Variants in ZIM2 observed in about 807,000 individuals in gnomAD.
The protein encoded by ZIM2 is zinc finger protein 656.
A neutral mutation model predicts 38.6 loss-of-function variants in ZIM2; 14 were observed. The ratio of observed to expected loss-of-function variants is 0.36; its 90% CI spans 0.24 to 0.57. The LOEUF (loss-of-function observed/expected upper bound fraction) is 0.57. ZIM2 is among the 20% of genes least tolerant of loss of function. ZIM2 has a pLI of 0.81. For synonymous variants in ZIM2, 247 were observed against 245.8 expected (o/e 1.00, Z -0.04); for missense variants, 680 against 695.1 (o/e 0.98, Z 0.24).
chr19:56,813,348 G>C, intron 9 of ZIM2: 2 of 1,084,866 alleles, frequency 1.8e-6, no homozygotes, highest in Non-Finnish European at 2.3e-6. Context: ...CTATATATAC[G>C]TTACACAAGT....
At chr19:56,780,666 G>T (rs1412985448) in intron 11 of ZIM2, among the ~76,000 whole-genome samples, 1 of 152,166 alleles carries the variant, frequency 6.6e-6, no homozygotes, top group African/African-American at 2.4e-5. Flanking sequence ...TAAGGTTATT[G>T]AGTGCTAGCT....
At chr19:56,799,515 G>A (rs552597898) in intron 9 of ZIM2, 1 of 152,112 alleles carries the variant, frequency 6.6e-6, no homozygotes, top group African/African-American at 2.4e-5. Context: ...AATACCTAGG[G>A]GATGGAATGA....
intron 3 of ZIM2, chr19:56,824,767 A>G: frequency 1.9e-6 from 2 of 1,038,756 alleles, no homozygotes; most frequent in Admixed American, 5.1e-5. Context: ...AGATATACAC[A>G]TGTCCCAGAA....
intron 2 of ZIM2, among the ~76,000 whole-genome samples, chr19:56,835,759 G>T (rs1642341043): frequency 1.3e-5 from 2 of 152,156 alleles, no homozygotes. Context: ...TAATCACCAG[G>T]CAAGAGAAAA....
intron 9 of ZIM2, among the ~76,000 whole-genome samples, chr19:56,806,761 G>A (rs1324970565): frequency 6.6e-6 from 1 of 152,154 alleles, no homozygotes. Context: ...TGAGGGCTAA[G>A]CCCTCATGAA....
At chr19:56,813,753 G>A (rs1252768095) in intron 9 of ZIM2, 1 of 1,614,186 alleles carries the variant, frequency 6.2e-7, no homozygotes, top group East Asian at 2.2e-5. Flanking sequence ...CACATTTGAA[G>A]TACTTCTCAT....
Position 56,821,788 on chromosome 19 carries a change from G to T in ZIM2, c.191-34C>A, listed in dbSNP as rs375396925. The T allele has an allele frequency of 3.1e-6, 5 of 1,609,938 alleles. No individual in the cohort carries two copies. In the African/African-American group the frequency reaches 6.7e-5, roughly 22 times the overall value. On this transcript the variant is annotated intron_variant, in intron 6 of 12. Coordinates refer to ENST00000629319, the MANE Select transcript of ZIM2 (RefSeq NM_001387356.1). Reference sequence around the variant, plus strand: ...AAAAAAGGCATCAACAAGAAGCAGGGCCCAGTCCATCCTGCAGGTCCCAGG... The same window carrying T: ...AAAAAAGGCATCAACAAGAAGCAGGTCCCAGTCCATCCTGCAGGTCCCAGG...
chr19:56,824,791 C>A, intron 3 of ZIM2: 1 of 831,362 alleles, frequency 1.2e-6, no homozygotes, highest in Non-Finnish European at 1.9e-6. Context: ...GAAGACCAGG[C>A]AGCAGTGGAG....
intron 7 of ZIM2, among the ~76,000 whole-genome samples, chr19:56,820,547 C>T (rs985651838): frequency 1.3e-5 from 2 of 152,198 alleles, no homozygotes; most frequent in African/African-American, 4.8e-5. Flanking sequence ...TGGTTCCCAT[C>T]CCACAACTTT....
intron 11 of ZIM2, 48 bp downstream of exon 11, chr19:56,781,905 A>C: frequency 6.3e-7 from 1 of 1,588,448 alleles, no homozygotes; most frequent in Non-Finnish European, 8.6e-7. Flanking sequence ...GTTGAGAGCT[A>C]CTGCCCTAGT....
At chr19:56,797,900 G>T (rs1161149455) in intron 9 of ZIM2, 1 of 152,170 alleles carries the variant, frequency 6.6e-6, no homozygotes, top group Non-Finnish European at 1.5e-5. Flanking sequence ...GCACAGTAAG[G>T]AAAATTTAGA....
At chr19:56,827,253 CA>C (rs538852295) in intron 2 of ZIM2, among the ~76,000 whole-genome samples, 6 of 151,482 alleles carry the variant, frequency 4.0e-5, no homozygotes, top group African/African-American at 1.2e-4. Context: ...ACTTCTGTGC[CA>C]AAAAAAATAA....
chr19:56,826,885 T>C (rs1034468503), intron 2 of ZIM2, among the ~76,000 whole-genome samples: 2 of 152,234 alleles, frequency 1.3e-5, no homozygotes, highest in African/African-American at 2.4e-5. Flanking sequence ...TATATGCTTC[T>C]ATTCTGTGAA....
chr19:56,789,930 A>T lies in ZIM2; in HGVS notation c.512T>A (p.Val171Asp). Residue 171 changes from valine (V) to aspartate (D), a missense_variant, in exon 10 of 13, where the codon GTC becomes GAC. Coordinates refer to ENST00000629319, the MANE Select transcript of ZIM2 (RefSeq NM_001387356.1). ...TSRGFLAQDS[V>D]PAEKRNTEML... Reference sequence around the variant, plus strand: ...CTCTGTGTTCCTCTTTTCTGCAGGGACAGAGTCCTGAGCAAGGAAACCTAG... The same window carrying T: ...CTCTGTGTTCCTCTTTTCTGCAGGGTCAGAGTCCTGAGCAAGGAAACCTAG... 6.3e-7 allele frequency: 1 copy of T among 1,575,272 alleles called. No homozygotes were observed. The highest frequency in any genetic ancestry group is 1.2e-5 in the South Asian group (1 of 84,906).
intron 10 of ZIM2, among the ~76,000 whole-genome samples, chr19:56,783,810 G>A (rs547158387): frequency 6.6e-6 from 1 of 152,198 alleles, no homozygotes; most frequent in East Asian, 1.9e-4. Flanking sequence ...ACCTGCACAT[G>A]TGTGCCCTGA....
chr19:56,838,462 G>A (rs941492145), intron 1 of ZIM2, among the ~76,000 whole-genome samples: 4 of 152,146 alleles, frequency 2.6e-5, no homozygotes, highest in Admixed American at 6.5e-5. Flanking sequence ...CCGGGCCCCA[G>A]CCCTTAGCCC....
At chr19:56,818,558 CA>C (rs2060195204) in intron 8 of ZIM2, 41 bp downstream of exon 8, 1 of 1,607,146 alleles carries the variant, frequency 6.2e-7, no homozygotes, top group East Asian at 2.2e-5. Flanking sequence ...CAAAATGCTC[CA>C]ATGACTGGAC....
chr19:56,822,778 C>T lies in ZIM2; in HGVS notation c.165G>A (p.Trp55Ter), dbSNP rs1448023591. The stretch of plus-strand genomic sequence containing the variant: ...TGCTTCTTGGGTTCCTGGTGTGGGA[C>T]CAGCGGTCTCGTGGCTCCATGTCTC... ...RSRDMEPRDR[W>*]SHTRNPRSRM... The change falls in exon 6 of 13, where the codon TGG (tryptophan) becomes TGA (stop). Residue 55 changes from tryptophan (W) to a stop codon, truncating the protein, a stop_gained. Transcript: ENST00000629319. LOFTEE classifies it high-confidence loss of function. The T allele has an allele frequency of 6.2e-7, 1 of 1,614,150 alleles. No homozygotes were observed. The highest frequency in any genetic ancestry group is 2.2e-5 in the East Asian group (1 of 44,878).
At chr19:56,829,846 A>C (rs2061413364) in intron 2 of ZIM2, among the ~76,000 whole-genome samples, 1 of 152,252 alleles carries the variant, frequency 6.6e-6, no homozygotes, top group Non-Finnish European at 1.5e-5. Flanking sequence ...CTGGCCAATC[A>C]AAAGCATAAC....
Sources: gnomAD v4.1 joint callset for allele counts (sites outside exome capture counted in the v4.1 genomes callset) on GRCh38, gnomAD v4.1.1 for gene constraint, MANE v1.5 for transcripts, NCBI Gene and HGNC (gene_info 2026-07-23, HGNC 2026-07-21) for gene names.